ULK4: variants seen among roughly 807,000 people sequenced by gnomAD.
The protein encoded by ULK4 is unc-51 like kinase 4, also known as inactive serine/threonine-protein kinase ULK4.
ULK4 carries 133 observed loss-of-function variants against 160.6 expected under a neutral mutation model. The observed-to-expected ratio is 0.83, with a 90% CI of 0.72 to 0.96. ULK4 has a LOEUF of 0.96. Among genes scored for constraint, ULK4 ranks in the 40% least tolerant of loss-of-function variants. The pLI, the probability that ULK4 is intolerant of heterozygous loss-of-function variation, is 0.00. For synonymous variants in ULK4, 534 were observed against 539.8 expected, an observed-to-expected ratio of 0.99 and a Z score of 0.15; for missense variants, 1,580 against 1,499.5, an observed-to-expected ratio of 1.05 and a Z score of -0.89.
chr3:41,261,093 A>G (rs1559492248), intron 35 of ULK4, among the ~76,000 whole-genome samples: 1 of 152,280 alleles, frequency 6.6e-6, no homozygotes, highest in East Asian at 1.9e-4. Context: ...GGGAGTACAC[A>G]GGGCATTAGT....
At chr3:41,564,038 G>T (rs2087698106) in intron 32 of ULK4, among the ~76,000 whole-genome samples, 2 of 152,086 alleles carry the variant, frequency 1.3e-5, no homozygotes, top group African/African-American at 4.8e-5. Context: ...CCTATAGATA[G>T]GGTTTTGGTG....
intron 17 of ULK4, chr3:41,869,060 CAATT>C (rs1559619480): frequency 6.6e-6 from 1 of 152,070 alleles, no homozygotes; most frequent in Non-Finnish European, 1.5e-5. Flanking sequence ...TAGTTACAAT[CAATT>C]AGTTGTAAAC....
chr3:41,776,591 G>C lies in ULK4; in HGVS notation c.2193+13070C>G, dbSNP rs192203273. Among the ~76,000 whole-genome samples, 986 of 115,518 alleles carry C rather than the reference G, an allele frequency of 8.5e-3. 133 individuals are homozygous for C. Among genetic ancestry groups the C allele is most frequent in the African/African-American group, 0.027 (920 of 33,926 alleles). 75.8% of individuals were successfully genotyped at this position (115,518 alleles called of 152,430 possible). On this transcript the variant is annotated intron_variant, in intron 21 of 36. Transcript: ENST00000301831. ...TTTAAAAAGGTACAAAATGAAATAC[G>C]TCCCATCAATACCTAATTTATTGAA...
chr3:41,859,993 C>A (rs1336058379), intron 17 of ULK4, among the ~76,000 whole-genome samples: 1 of 151,982 alleles, frequency 6.6e-6, no homozygotes, highest in Non-Finnish European at 1.5e-5. Flanking sequence ...AATTTCTTCA[C>A]TGACCCACTA....
At chr3:41,920,970 T>C (rs748647657) in intron 5 of ULK4, among the ~76,000 whole-genome samples, 2 of 152,202 alleles carry the variant, frequency 1.3e-5, no homozygotes, top group Non-Finnish European at 2.9e-5. Context: ...ATATGAATGT[T>C]TGTCTTCCCA....
intron 35 of ULK4, among the ~76,000 whole-genome samples, chr3:41,386,035 T>C (rs2081800979): frequency 6.6e-6 from 1 of 152,216 alleles, no homozygotes; most frequent in Non-Finnish European, 1.5e-5. Context: ...TATACTGTAT[T>C]CAGCCATTCA....
At chr3:41,800,052 T>C in intron 20 of ULK4, 80 bp downstream of exon 20, 1 of 1,263,738 alleles carries the variant, frequency 7.9e-7, no homozygotes, top group Non-Finnish European at 1.1e-6. Context: ...TAAATTAAAT[T>C]TATTCTTATT....
At chr3:41,701,848 G>A (rs1468956835) in intron 27 of ULK4, among the ~76,000 whole-genome samples, 1 of 152,034 alleles carries the variant, frequency 6.6e-6, no homozygotes, top group Non-Finnish European at 1.5e-5. Context: ...TTCTTTTTAA[G>A]TTTAGCTTTT....
At chr3:41,878,784 G>C (rs555349362) in intron 17 of ULK4, among the ~76,000 whole-genome samples, 1 of 151,154 alleles carries the variant, frequency 6.6e-6, no homozygotes, top group Non-Finnish European at 1.5e-5. Flanking sequence ...CAACATCTGA[G>C]TCTAGTGATC....
Position 41,642,237 on chromosome 3 carries a change from G to A in ULK4, c.3071+21370C>T, listed in dbSNP as rs111551964. Among the ~76,000 whole-genome samples the A allele has an allele frequency of 8.0e-3, 1,213 of 151,860 alleles. 18 individuals carry two copies. Among genetic ancestry groups the A allele is most frequent in the African/African-American group, 0.028 (1,139 of 41,372 alleles). The stretch of plus-strand genomic sequence containing the variant: ...AAGTTTTAGGGTACATGTGCACAAC[G>A]TGCAGGTTTGTTACTTATGTATACA... On this transcript the variant is annotated intron_variant, in intron 30 of 36. Transcript: ENST00000301831.
chr3:41,954,864 G>C, intron 1 of ULK4, 57 bp from the exon 2 acceptor site: 1 of 1,148,674 alleles, frequency 8.7e-7, no homozygotes, highest in Non-Finnish European at 1.2e-6. Context: ...TAATTAATTA[G>C]CCTAGGATAA....
intron 35 of ULK4, among the ~76,000 whole-genome samples, chr3:41,349,721 A>C (rs1469703974): frequency 1.3e-5 from 2 of 152,130 alleles, no homozygotes; most frequent in East Asian, 3.9e-4. Flanking sequence ...ATAAACATAA[A>C]ACTCTGATTT....
intron 18 of ULK4, among the ~76,000 whole-genome samples, chr3:41,830,504 G>A (rs926086502): frequency 6.6e-6 from 1 of 151,954 alleles, no homozygotes; most frequent in Non-Finnish European, 1.5e-5. Flanking sequence ...TTCATTTTCT[G>A]TATGTAGTGA....
intron 22 of ULK4, among the ~76,000 whole-genome samples, chr3:41,724,676 T>C (rs943246205): frequency 9.2e-5 from 14 of 152,156 alleles, no homozygotes; most frequent in Admixed American, 2.6e-4. Flanking sequence ...TGAGCCAAGA[T>C]TGCACCACTG....
At chr3:41,946,537 CT>C (rs1700116968) in intron 2 of ULK4, among the ~76,000 whole-genome samples, 1 of 152,202 alleles carries the variant, frequency 6.6e-6, no homozygotes, top group African/African-American at 2.4e-5. Context: ...CAAAGATCCC[CT>C]AATCACACTA....
At chr3:41,801,846 G>T (rs991343262) in intron 19 of ULK4, among the ~76,000 whole-genome samples, 1 of 151,588 alleles carries the variant, frequency 6.6e-6, no homozygotes, top group Non-Finnish European at 1.5e-5. Context: ...GCAAGACCCT[G>T]TCTCAAAAAT....
intron 34 of ULK4, among the ~76,000 whole-genome samples, chr3:41,423,173 G>C (rs192703451): frequency 6.6e-6 from 1 of 152,290 alleles, no homozygotes; most frequent in East Asian, 1.9e-4. Context: ...TTGACAGTAA[G>C]CAGGGAAAAG....
chr3:41,378,647 G>A (rs1304015993), intron 35 of ULK4, among the ~76,000 whole-genome samples: 1 of 150,878 alleles, frequency 6.6e-6, no homozygotes, highest in Non-Finnish European at 1.5e-5. Context: ...TAGGGGAGCG[G>A]GGAGGGATAG....
chr3:41,935,358 T>C (rs556256536), intron 4 of ULK4, among the ~76,000 whole-genome samples: 97 of 151,774 alleles, frequency 6.4e-4, no homozygotes, highest in Admixed American at 1.2e-3. Flanking sequence ...TCTCAGATAG[T>C]TGGGACTACA....
Sources: gnomAD v4.1 joint callset for allele counts (sites outside exome capture counted in the v4.1 genomes callset) on GRCh38, gnomAD v4.1.1 for gene constraint, MANE v1.5 for transcripts, NCBI Gene and HGNC (gene_info 2026-07-23, HGNC 2026-07-21) for gene names.